Variants in TRAK2 observed in about 807,000 individuals in gnomAD.
TRAK2 encodes the protein trafficking kinesin protein 2.
A neutral mutation model predicts 104.6 loss-of-function variants in TRAK2; 81 were observed. The observed-to-expected ratio is 0.77, with a 90% CI of 0.65 to 0.93. The LOEUF is 0.93. Ranked by LOEUF, TRAK2 falls within the 40% of genes least tolerant of loss-of-function variation. TRAK2 has a pLI of 0.00. For synonymous variants in TRAK2, 406 were observed against 394.4 expected, an observed-to-expected ratio of 1.03 and a Z score of -0.35; for missense variants, 1,002 against 1,089.0, an observed-to-expected ratio of 0.92 and a Z score of 1.12.
chr2:201,397,927 G>A lies in TRAK2; in HGVS notation c.690+218C>T, dbSNP rs923531476. 8.7e-6 allele frequency: 5 copies of A among 572,476 alleles called. No homozygotes were observed. The African/African-American group carries it at 9.4e-5, about 11-fold the overall frequency. 35.5% of individuals were successfully genotyped at this position (572,476 alleles called of 1,614,324 possible). A position where few individuals can be genotyped will look rare whatever the true frequency, so the allele number is the denominator to read the frequency against. On this transcript the variant is annotated intron_variant, in intron 6 of 15. Coordinates refer to ENST00000332624, the MANE Select transcript of TRAK2 (RefSeq NM_015049.3). ...CTCCACAAGATACATTTTCTATCCT[G>A]TGACTTTCACTATTGTACTGTCAAC...
chr2:201,421,410 G>A (rs1403700675), intron 1 of TRAK2, among the ~76,000 whole-genome samples: 1 of 152,114 alleles, frequency 6.6e-6, no homozygotes, highest in Non-Finnish European at 1.5e-5. Context: ...ACAAAACAGG[G>A]TTTTTTAATC....
chr2:201,380,617 G>A lies in TRAK2; in HGVS notation c.2671C>T (p.Pro891Ser), dbSNP rs1438623243. ...GCAGCAAAGCTACCCATTATGACTG[G>A]AAGACTCTGATTCCTCCTTAGTCCA... Reference protein sequence around the residue: ...LGGLRRNQSLPVIMGSFAAPV... With the variant: ...LGGLRRNQSLSVIMGSFAAPV... Residue 891 changes from proline to serine, a missense_variant, in exon 16 of 16, where the codon CCA (proline) becomes TCA (serine). Coordinates refer to ENST00000332624, the MANE Select transcript of TRAK2 (RefSeq NM_015049.3). 5 of 1,613,990 alleles carry A rather than the reference G, an allele frequency of 3.1e-6. No individual in the cohort carries two copies. Among genetic ancestry groups the A allele is most frequent in the Non-Finnish European group, 4.2e-6 (5 of 1,179,954 alleles).
chr2:201,426,587 T>C (rs1002662971), intron 1 of TRAK2, among the ~76,000 whole-genome samples: 4 of 152,254 alleles, frequency 2.6e-5, no homozygotes, highest in African/African-American at 9.6e-5. Context: ...ACCTCTGTTC[T>C]AGAAAACTGC....
At chr2:201,441,682 CT>C (rs1170684951) in intron 1 of TRAK2, among the ~76,000 whole-genome samples, 450 of 140,128 alleles carry the variant, frequency 3.2e-3, no homozygotes, top group Admixed American at 4.3e-3. Context: ...TGTGCTCTTT[CT>C]TTTTTTTTTT....
At chr2:201,438,902 T>C (rs951163703) in intron 1 of TRAK2, among the ~76,000 whole-genome samples, 1 of 152,218 alleles carries the variant, frequency 6.6e-6, no homozygotes, top group Admixed American at 6.5e-5. Flanking sequence ...AATCTGACTT[T>C]GGTTCTGTTT....
intron 1 of TRAK2, among the ~76,000 whole-genome samples, chr2:201,440,777 C>T (rs528332812): frequency 3.8e-4 from 58 of 152,320 alleles, no homozygotes; most frequent in Non-Finnish European, 7.2e-4. Context: ...TCATATCCTA[C>T]TGCTCAAGGT....
In TRAK2 at chr2:201,380,537, T is replaced by C. The variant is rs1459939142; in HGVS notation, c.*6A>G. On this transcript the variant is annotated 3_prime_UTR_variant, in exon 16 of 16. Transcript: ENST00000332624. ...CTTGTATAAAAGGTCAGTTAACTGCTGAACCTCAGTCCTCCTTCAGGACAC... is the reference window on the plus strand; with the variant it reads ...CTTGTATAAAAGGTCAGTTAACTGCCGAACCTCAGTCCTCCTTCAGGACAC... 6.2e-7 allele frequency: 1 copy of C among 1,612,466 alleles called. No individual in the cohort carries two copies. The highest frequency in any genetic ancestry group is 8.5e-7 in the Non-Finnish European group (1 of 1,179,040).
intron 2 of TRAK2, chr2:201,410,504 C>G (rs1951636037): frequency 6.9e-6 from 6 of 866,766 alleles, no homozygotes; most frequent in Non-Finnish European, 1.1e-5. Context: ...AATCAGCTCA[C>G]CCATGATTGG....
intron 2 of TRAK2, among the ~76,000 whole-genome samples, chr2:201,413,642 C>T (rs1432477085): frequency 6.6e-6 from 1 of 151,864 alleles, no homozygotes; most frequent in Non-Finnish European, 1.5e-5. Flanking sequence ...CTTTCGGAAA[C>T]CATCCAATCC....
In TRAK2 at chr2:201,380,116, C is replaced by T. The variant is rs188268495; in HGVS notation, c.*427G>A. On this transcript the variant is annotated 3_prime_UTR_variant, in exon 16 of 16. Coordinates refer to ENST00000332624, the MANE Select transcript of TRAK2 (RefSeq NM_015049.3). ...AGCTTACCCCACCAACCCCTCAGAA[C>T]GGCTTTCTATAAGCAATAAAACTGC... The T allele has an allele frequency of 2.5e-4, 50 of 198,082 alleles. No individual in the cohort carries two copies. The highest frequency in any genetic ancestry group is 3.7e-4 in the Admixed American group (7 of 18,988). The allele number at this position is 198,082 out of a possible 1,614,324, so 12.3% of individuals were successfully genotyped here. A position where few individuals can be genotyped will look rare whatever the true frequency, so the allele number is the denominator to read the frequency against.
intron 1 of TRAK2, among the ~76,000 whole-genome samples, chr2:201,423,297 T>C (rs887952284): frequency 1.3e-5 from 2 of 152,212 alleles, no homozygotes; most frequent in African/African-American, 4.8e-5. Context: ...ATTCTGGTAC[T>C]GATACATGCT....
intron 3 of TRAK2, among the ~76,000 whole-genome samples, chr2:201,405,275 G>A (rs1298621250): frequency 6.6e-6 from 1 of 152,120 alleles, no homozygotes; most frequent in Non-Finnish European, 1.5e-5. Flanking sequence ...ATTTTTGAGG[G>A]CAGAGCCTGA....
At chr2:201,436,990 C>T (rs919046781) in intron 1 of TRAK2, among the ~76,000 whole-genome samples, 1 of 152,056 alleles carries the variant, frequency 6.6e-6, no homozygotes, top group Non-Finnish European at 1.5e-5. Flanking sequence ...TTCTACTAGG[C>T]GAGAGACTTT....
At chr2:201,384,077 G>C in intron 15 of TRAK2, 34 bp downstream of exon 15, 1 of 1,358,518 alleles carries the variant, frequency 7.4e-7, no homozygotes, top group East Asian at 2.4e-5. Flanking sequence ...GCTGAGGAAA[G>C]AAGTGAGGCC....
chr2:201,413,287 AT>A, intron 2 of TRAK2: 1 of 1,276,312 alleles, frequency 7.8e-7, no homozygotes, highest in Non-Finnish European at 1.1e-6. Flanking sequence ...GTACTCTTCA[AT>A]TTATTAAACA....
At chr2:201,397,995 G>A in intron 6 of TRAK2, 150 bp downstream of exon 6, 1 of 708,462 alleles carries the variant, frequency 1.4e-6, no homozygotes, top group South Asian at 1.9e-5. Context: ...AACAGTGGAA[G>A]GCAAGAAAAA....
chr2:201,424,748 A>G (rs1455538241), intron 1 of TRAK2, among the ~76,000 whole-genome samples: 1 of 151,580 alleles, frequency 6.6e-6, no homozygotes, highest in Non-Finnish European at 1.5e-5. Context: ...GACTACAGGC[A>G]CCCGCCACCT....
At chr2:201,448,495 T>C (rs955379424) in intron 1 of TRAK2, among the ~76,000 whole-genome samples, 3 of 152,248 alleles carry the variant, frequency 2.0e-5, no homozygotes, top group Non-Finnish European at 2.9e-5. Context: ...GACTCAACTA[T>C]GAATAATTTA....
At chr2:201,417,058 GTAA>G (rs1951697850) in intron 2 of TRAK2, among the ~76,000 whole-genome samples, 1 of 150,982 alleles carries the variant, frequency 6.6e-6, no homozygotes. Flanking sequence ...GGAGTTAAAT[GTAA>G]CTCCACATTA....
Sources: allele counts gnomAD v4.1 joint callset (sites outside exome capture counted in the v4.1 genomes callset), GRCh38; gene constraint gnomAD v4.1.1; transcripts MANE v1.5; gene names NCBI Gene and HGNC (gene_info 2026-07-23, HGNC 2026-07-21).